The following MTM1 variants were observed in gnomAD, a reference collection of about 807,000 sequenced individuals.
MTM1 encodes the protein myotubularin 1, also known as myotubularin.
MTM1 carries 9 observed loss-of-function variants against 52.1 expected under a neutral mutation model. The ratio of observed to expected loss-of-function variants is 0.17; its 90% CI spans 0.10 to 0.30. The LOEUF (loss-of-function observed/expected upper bound fraction) is 0.30, where lower values mean the gene tolerates loss of function less well. Among genes scored for constraint, MTM1 ranks in the 10% least tolerant of loss-of-function variants. MTM1 has a pLI of 1.00. For missense variants in MTM1, 277 were observed against 470.7 expected (o/e 0.59, Z 3.81); for synonymous variants, 136 against 163.8 (o/e 0.83, Z 1.29).
rs1266661809 is a variant in MTM1, at chrX:150,608,474, C to T, written c.232-6115C>T. On this transcript the variant is annotated intron_variant, in intron 4 of 14. Transcript: ENST00000370396. ...GCTCAAGCGATCCGCCTGCCTCCGC[C>T]TCCCAAAGTGCTGGGATTGCAGGCA... Among the ~76,000 whole-genome samples the T allele has an allele frequency of 2.7e-5, 3 of 112,310 alleles. No homozygotes were observed. In the East Asian group the frequency reaches 8.4e-4, roughly 31 times the overall value.
At chrX:150,588,956 C>G (rs1425392369) in intron 1 of MTM1, among the ~76,000 whole-genome samples, 1 of 111,800 alleles carries the variant, frequency 8.9e-6, no homozygotes, top group Admixed American at 9.5e-5. Context: ...CTTAATTGCC[C>G]AGTTCATTCA....
chrX:150,602,779 G>A (rs1557412761), intron 4 of MTM1, among the ~76,000 whole-genome samples: 2 of 111,861 alleles, frequency 1.8e-5, no homozygotes. Context: ...TTGTGTTTAG[G>A]TGCTCTAGTG....
intron 6 of MTM1, among the ~76,000 whole-genome samples, chrX:150,621,118 CAAAAAAA>C (rs149399125): frequency 4.5e-5 from 2 of 44,238 alleles, no homozygotes; most frequent in Non-Finnish European, 8.1e-5. Flanking sequence ...AGCTCCATCT[CAAAAAAA>C]AAAAAAAAAA....
intron 5 of MTM1, 71 bp downstream of exon 5, chrX:150,614,770 G>A (rs2039351655): frequency 5.3e-6 from 3 of 568,949 alleles, no homozygotes; most frequent in Non-Finnish European, 8.8e-6. Flanking sequence ...GACAATTAAT[G>A]TGGATTTGAA....
At chrX:150,665,804 G>T (rs2040295442) in intron 14 of MTM1, among the ~76,000 whole-genome samples, 1 of 112,318 alleles carries the variant, frequency 8.9e-6, no homozygotes, top group Admixed American at 9.4e-5. Context: ...CTATCAATAA[G>T]CAGATCTGGT....
At chrX:150,578,889 A>G (rs2038522290) in intron 1 of MTM1, among the ~76,000 whole-genome samples, 1 of 108,785 alleles carries the variant, frequency 9.2e-6, no homozygotes, top group Admixed American at 9.9e-5. Context: ...TTCCATACAA[A>G]TTTTGGAATC....
chrX:150,583,340 TATA>T (rs1440744502), intron 1 of MTM1, among the ~76,000 whole-genome samples: 1 of 47,644 alleles, frequency 2.1e-5, no homozygotes, highest in Non-Finnish European at 3.3e-5. Context: ...TTATATATAT[TATA>T]TATAATTATA....
chrX:150,583,954 A>G lies in MTM1; in HGVS notation c.-10-8651A>G, dbSNP rs1242458580. Among the ~76,000 whole-genome samples, 3 of 76,557 alleles carry G rather than the reference A, an allele frequency of 3.9e-5. 1 individual carries two copies. Among genetic ancestry groups the G allele is most frequent in the Non-Finnish European group, 7.1e-5 (3 of 42,389 alleles). The allele number at this position is 76,557 out of a possible 115,157, so 66.5% of individuals were successfully genotyped here. The stretch of plus-strand genomic sequence containing the variant: ...AAATTAAAATATATATATTAAATAT[A>G]TGTTAAATATATAAAAATATTTTAA... On this transcript the variant is annotated intron_variant, in intron 1 of 14. Transcript: ENST00000370396.
chrX:150,608,920 C>T (rs2039223521), intron 4 of MTM1, among the ~76,000 whole-genome samples: 2 of 108,786 alleles, frequency 1.8e-5, no homozygotes, highest in African/African-American at 6.7e-5. Context: ...ACCTCCGCCT[C>T]CCGTGTTCAA....
rs1327917632 is a variant in MTM1 at position 150,672,169 on chromosome X, T to C, written c.*574T>C. 1 of 112,358 alleles carries C rather than the reference T, an allele frequency of 8.9e-6. No individual in the cohort carries two copies. The highest frequency in any genetic ancestry group is 1.9e-5 in the Non-Finnish European group (1 of 53,241). The allele number at this position is 112,358 out of a possible 1,213,427, so 9.3% of individuals were successfully genotyped here. ...AGCTGTATAGATGAGTTTTTCATTA[T>C]TTGGAAATTTAGGGGTAGAAAATGT... On this transcript the variant is annotated 3_prime_UTR_variant, in exon 15 of 15. Coordinates refer to ENST00000370396, the MANE Select transcript of MTM1 (RefSeq NM_000252.3).
intron 6 of MTM1, 70 bp downstream of exon 6, chrX:150,619,209 T>C: frequency 1.4e-6 from 1 of 734,389 alleles, no homozygotes; most frequent in Non-Finnish European, 2.2e-6. Flanking sequence ...GCCTGCAAAC[T>C]GGGATCCTCT....
At chrX:150,662,598 A>G (rs2040240253) in intron 13 of MTM1, among the ~76,000 whole-genome samples, 1 of 112,181 alleles carries the variant, frequency 8.9e-6, no homozygotes, top group African/African-American at 3.2e-5. Context: ...TGCTGCAATT[A>G]CAGGCGTGAG....
Position 150,640,164 on chromosome X carries a change from G to A in MTM1, c.529-1105G>A, listed in dbSNP as rs1227612294. Among the ~76,000 whole-genome samples the A allele has an allele frequency of 2.7e-5, 3 of 111,831 alleles. No homozygotes were observed. The East Asian group carries it at 8.4e-4, about 31-fold the overall frequency. Reference sequence around the variant, plus strand: ...CCATGAAAACATTTTGCATGTTTTGGAGACCTCTGTAAATGATGTATTAAA... The same window carrying A: ...CCATGAAAACATTTTGCATGTTTTGAAGACCTCTGTAAATGATGTATTAAA... On this transcript the variant is annotated intron_variant, in intron 7 of 14. Coordinates refer to ENST00000370396, the MANE Select transcript of MTM1 (RefSeq NM_000252.3).
chrX:150,671,872 G>A lies in MTM1; in HGVS notation c.*277G>A, dbSNP rs2040402696. 4 of 367,738 alleles carry A rather than the reference G, an allele frequency of 1.1e-5. No individual in the cohort carries two copies. The highest frequency in any genetic ancestry group is 7.9e-5 in the South Asian group (2 of 25,387). 30.3% of individuals were successfully genotyped at this position (367,738 alleles called of 1,213,427 possible). On this transcript the variant is annotated 3_prime_UTR_variant, in exon 15 of 15. Coordinates refer to ENST00000370396, the MANE Select transcript of MTM1 (RefSeq NM_000252.3). ...AAGACAAAATTTAGATTTAATTTACGTCTTGAGAAATACTATATATACAAT... is the reference window on the plus strand; with the variant it reads ...AAGACAAAATTTAGATTTAATTTACATCTTGAGAAATACTATATATACAAT...
At chrX:150,597,310 C>T (rs782078229) in intron 3 of MTM1, among the ~76,000 whole-genome samples, 2 of 111,871 alleles carry the variant, frequency 1.8e-5, no homozygotes, top group Non-Finnish European at 3.8e-5. Context: ...AATTAGATGG[C>T]GGGCCTAAGC....
At chrX:150,571,234 ATTTTCCTTTCCTG>A (rs2148394253) in intron 1 of MTM1, among the ~76,000 whole-genome samples, 1 of 112,027 alleles carries the variant, frequency 8.9e-6, no homozygotes, top group South Asian at 3.7e-4. Context: ...TTCTTTAGTA[ATTTTCCTTTCCTG>A]TTTTCGACCT....
chrX:150,621,278 C>A (rs781941910), intron 6 of MTM1, among the ~76,000 whole-genome samples: 2 of 110,276 alleles, frequency 1.8e-5, no homozygotes, highest in East Asian at 5.7e-4. Flanking sequence ...CAGTTCCCCC[C>A]CTGCTATTCC....
intron 8 of MTM1, among the ~76,000 whole-genome samples, chrX:150,642,695 A>G (rs2039868934): frequency 9.0e-6 from 1 of 111,691 alleles, no homozygotes; most frequent in Non-Finnish European, 1.9e-5. Context: ...TCACAAGGAC[A>G]ACTGGGCTAG....
At chrX:150,577,898 C>T (rs1246622038) in intron 1 of MTM1, among the ~76,000 whole-genome samples, 1 of 112,185 alleles carries the variant, frequency 8.9e-6, no homozygotes, top group East Asian at 2.8e-4. Context: ...TTTAGTCCTG[C>T]TCTTATGTTT....
Sources: gnomAD v4.1 joint callset for allele counts (sites outside exome capture counted in the v4.1 genomes callset) on GRCh38, gnomAD v4.1.1 for gene constraint, MANE v1.5 for transcripts, NCBI Gene and HGNC (gene_info 2026-07-23, HGNC 2026-07-21) for gene names.